Variants in ARL15 observed in about 807,000 individuals in gnomAD.
ARL15 encodes the protein ADP-ribosylation factor-like protein 15.
In ARL15, 19 loss-of-function variants were observed where a neutral mutation model predicts 25.2. The ratio of observed to expected loss-of-function variants is 0.75; its 90% CI spans 0.53 to 1.10. The LOEUF is 1.10. ARL15 is among the 50% of genes least tolerant of loss of function. The pLI is 0.00. For missense variants in ARL15, 220 were observed against 246.0 expected (o/e 0.89, Z 0.71); for synonymous variants, 94 against 86.8 (o/e 1.08, Z -0.46).
At chr5:54,117,904 A>G (rs898685043) in intron 3 of ARL15, among the ~76,000 whole-genome samples, 8 of 152,220 alleles carry the variant, frequency 5.3e-5, no homozygotes, top group Non-Finnish European at 1.5e-5. Context: ...GCTAAGTTTT[A>G]AGTGAGCCTG....
At chr5:53,898,975 G>A (rs1744967592) in intron 4 of ARL15, among the ~76,000 whole-genome samples, 1 of 152,006 alleles carries the variant, frequency 6.6e-6, no homozygotes, top group Non-Finnish European at 1.5e-5. Context: ...CTGCAAGGTT[G>A]GTAGTTGTGT....
rs1474702224 is a variant in ARL15, at chr5:53,934,923, T to C, written c.463-48210A>G. ...AAGCATACTGGGACAATGGCTGCTATGATCTGATTTTAAAAAATTAGGCTA... is the reference window on the plus strand; with the variant it reads ...AAGCATACTGGGACAATGGCTGCTACGATCTGATTTTAAAAAATTAGGCTA... On this transcript the variant is annotated intron_variant, in intron 4 of 4. Coordinates refer to ENST00000504924, the MANE Select transcript of ARL15 (RefSeq NM_019087.3). Among the ~76,000 whole-genome samples, 3 of 152,192 alleles carry C rather than the reference T, an allele frequency of 2.0e-5. 1 individual carries two copies.
At chr5:54,188,930 AT>A (rs938818717) in intron 1 of ARL15, among the ~76,000 whole-genome samples, 2 of 151,970 alleles carry the variant, frequency 1.3e-5, no homozygotes, top group East Asian at 1.9e-4. Context: ...CAAGCTAACC[AT>A]TTTTTTTGTG....
intron 4 of ARL15, among the ~76,000 whole-genome samples, chr5:53,967,757 C>A (rs192129981): frequency 6.6e-6 from 1 of 151,942 alleles, no homozygotes; most frequent in Non-Finnish European, 1.5e-5. Flanking sequence ...ATTTGCCCAG[C>A]GATCAGAAGC....
chr5:53,982,511 G>A (rs1309649877), intron 4 of ARL15, among the ~76,000 whole-genome samples: 2 of 152,120 alleles, frequency 1.3e-5, no homozygotes, highest in Non-Finnish European at 2.9e-5. Context: ...CAAAGGACAT[G>A]GATTCATCCT....
intron 1 of ARL15, among the ~76,000 whole-genome samples, chr5:54,196,303 G>C (rs1415685855): frequency 2.0e-5 from 3 of 152,068 alleles, no homozygotes; most frequent in Non-Finnish European, 2.9e-5. Context: ...AAGGTAGGCT[G>C]CAGCTTTTTC....
At position 54,205,169 on chromosome 5, in the gene ARL15, GA is replaced by G. The variant is rs558275959; in HGVS notation, c.49-33242del. Among the ~76,000 whole-genome samples the G allele has an allele frequency of 4.6e-5, 7 of 152,186 alleles. No homozygotes were observed. The South Asian group carries it at 8.3e-4, about 18-fold the overall frequency. The stretch of plus-strand genomic sequence containing the variant: ...ATCCCAACAACTGCAATGGCATGAA[GA>G]GCGCTCACTTTGGATGAAGTACTTT... On this transcript the variant is annotated intron_variant, in intron 1 of 4. Coordinates refer to ENST00000504924, the MANE Select transcript of ARL15 (RefSeq NM_019087.3).
chr5:54,098,357 G>A (rs753531789), intron 4 of ARL15, among the ~76,000 whole-genome samples: 4 of 152,032 alleles, frequency 2.6e-5, no homozygotes, highest in East Asian at 3.9e-4. Flanking sequence ...CACACCGTTC[G>A]ATCCCCCTGC....
intron 3 of ARL15, among the ~76,000 whole-genome samples, chr5:54,114,421 A>AAAAAAAAAAAAAAAC: frequency 2.7e-5 from 4 of 150,216 alleles, no homozygotes; most frequent in Non-Finnish European, 5.9e-5. Context: ...AAAAAAAAAA[A>AAAAAAAAAAAAAAAC]AGCAACACCA....
chr5:54,193,751 A>G (rs570554683), intron 1 of ARL15, among the ~76,000 whole-genome samples: 1 of 146,258 alleles, frequency 6.8e-6, no homozygotes, highest in African/African-American at 2.6e-5. Context: ...CCAGAACTGT[A>G]ACTACTTCGA....
chr5:54,023,034 CA>C (rs1749663970), intron 4 of ARL15, among the ~76,000 whole-genome samples: 1 of 152,098 alleles, frequency 6.6e-6, no homozygotes, highest in African/African-American at 2.4e-5. Flanking sequence ...ATAGGCTCGA[CA>C]GCAGGATGGA....
In ARL15 at chr5:54,044,240, A is replaced by ATTT. The variant is rs1196537602; in HGVS notation, c.462+68959_462+68961dup. Among the ~76,000 whole-genome samples the ATTT allele has an allele frequency of 9.3e-5, 12 of 128,704 alleles. No homozygotes were observed. In the East Asian group the frequency reaches 1.3e-3, roughly 14 times the overall value. The allele number at this position is 128,704 out of a possible 152,430, so 84.4% of individuals were successfully genotyped here. A position where few individuals can be genotyped will look rare whatever the true frequency, so the allele number is the denominator to read the frequency against. On this transcript the variant is annotated intron_variant, in intron 4 of 4. Coordinates refer to ENST00000504924, the MANE Select transcript of ARL15 (RefSeq NM_019087.3). ...AAATCTAGAAACAGGCCATTATTTAATTTTTTTTTTTTTTTTTTTTTGAGA... is the reference window on the plus strand; with the variant it reads ...AAATCTAGAAACAGGCCATTATTTAATTTTTTTTTTTTTTTTTTTTTTTTGAGA...
chr5:53,985,183 C>T (rs1163543141), intron 4 of ARL15, among the ~76,000 whole-genome samples: 2 of 152,096 alleles, frequency 1.3e-5, no homozygotes, highest in African/African-American at 2.4e-5. Context: ...TCCACCACTC[C>T]CCTCCTCCAA....
intron 3 of ARL15, among the ~76,000 whole-genome samples, chr5:54,122,956 A>C (rs562480338): frequency 6.6e-6 from 1 of 152,278 alleles, no homozygotes; most frequent in South Asian, 2.1e-4. Context: ...AGAATCTGGC[A>C]CAGAGCAGGC....
chr5:54,275,030 A>G (rs1757891049), intron 1 of ARL15, among the ~76,000 whole-genome samples: 1 of 152,240 alleles, frequency 6.6e-6, no homozygotes, highest in Non-Finnish European at 1.5e-5. Flanking sequence ...AACTATATTG[A>G]TATCATAAAG....
intron 4 of ARL15, among the ~76,000 whole-genome samples, chr5:53,964,655 T>C (rs1450909921): frequency 4.6e-5 from 7 of 152,322 alleles, no homozygotes; most frequent in Non-Finnish European, 1.0e-4. Flanking sequence ...CCACCGCACC[T>C]GGCCTCTATA....
chr5:54,278,723 T>G (rs1326153794), intron 1 of ARL15, among the ~76,000 whole-genome samples: 1 of 152,226 alleles, frequency 6.6e-6, no homozygotes, highest in Non-Finnish European at 1.5e-5. Context: ...ACCTTAAGTT[T>G]CCTGCCACAT....
At chr5:54,241,677 G>A (rs372400298) in intron 1 of ARL15, among the ~76,000 whole-genome samples, 9 of 152,064 alleles carry the variant, frequency 5.9e-5, no homozygotes, top group Non-Finnish European at 1.3e-4. Context: ...ATATAATTCC[G>A]TGTTGAATCC....
chr5:54,099,321 C>T (rs1464939998), intron 4 of ARL15, among the ~76,000 whole-genome samples: 1 of 152,054 alleles, frequency 6.6e-6, no homozygotes, highest in Non-Finnish European at 1.5e-5. Context: ...AAGTGAAAAT[C>T]ACCAAAAGAT....
Sources: allele counts gnomAD v4.1 joint callset (sites outside exome capture counted in the v4.1 genomes callset), GRCh38; gene constraint gnomAD v4.1.1; transcripts MANE v1.5; gene names NCBI Gene and HGNC (gene_info 2026-07-23, HGNC 2026-07-21).